YLPM1: variants seen among roughly 807,000 people sequenced by gnomAD.
YLPM1 encodes the protein YLP motif containing 1.
Under a neutral mutation model 230.0 loss-of-function variants are expected in YLPM1, and 99 were observed. That is an observed-to-expected ratio of 0.43 (90% CI 0.37 to 0.51). The LOEUF (loss-of-function observed/expected upper bound fraction) is 0.51. Among genes scored for constraint, YLPM1 ranks in the 20% least tolerant of loss-of-function variants. YLPM1 has a pLI of 0.00. For missense variants in YLPM1, 2,592 were observed against 2,707.7 expected (o/e 0.96, Z 0.95); for synonymous variants, 984 against 942.5 (o/e 1.04, Z -0.81).
intron 6 of YLPM1, among the ~76,000 whole-genome samples, chr14:74,806,732 A>G (rs1315467481): frequency 4.0e-5 from 6 of 151,792 alleles, no homozygotes; most frequent in East Asian, 3.9e-4. Context: ...ATATTTTCCC[A>G]TATTTGTTAA....
intron 18 of YLPM1, among the ~76,000 whole-genome samples, chr14:74,826,301 C>CTAAAT (rs1448999815): frequency 2.0e-5 from 3 of 152,130 alleles, no homozygotes; most frequent in East Asian, 3.9e-4. Context: ...AGATTCTTCT[C>CTAAAT]TAAAACATGA....
At position 74,780,523 on chromosome 14, in the gene YLPM1, C is replaced by T; in HGVS notation, c.1229C>T (p.Thr410Ile). 2 of 1,613,982 alleles carry T rather than the reference C, an allele frequency of 1.2e-6. No individual in the cohort carries two copies. Among genetic ancestry groups the T allele is most frequent in the East Asian group, 4.5e-5 (2 of 44,890 alleles). Reference sequence around the variant, plus strand: ...TATCAGGGAATAATGCAGAAGCACACTCAGTTACAGCAGATTCTACAACAG... The same window carrying T: ...TATCAGGGAATAATGCAGAAGCACATTCAGTTACAGCAGATTCTACAACAG... ...FQYQGIMQKH[T>I]QLQQILQQYQ... Residue 410 changes from threonine (T) to isoleucine (I), a missense_variant, in exon 3 of 21, where the codon ACT (threonine) becomes ATT (isoleucine). Thr to Ile is a moderately conservative substitution (Grantham distance 89). This residue lies in a region of YLPM1 where 1,862 missense variants were observed against 1,819.8 expected (regional missense o/e 1.02). Transcript: ENST00000325680.
intron 17 of YLPM1, among the ~76,000 whole-genome samples, chr14:74,822,550 A>G (rs964761346): frequency 6.6e-6 from 1 of 152,184 alleles, no homozygotes; most frequent in Admixed American, 6.5e-5. Flanking sequence ...ATGGGAGAGT[A>G]ATATAGTTTA....
chr14:74,764,017 C>T lies in YLPM1; in HGVS notation c.528C>T (p.Pro176=), dbSNP rs759288330. The T allele has an allele frequency of 3.7e-5, 59 of 1,608,968 alleles. No homozygotes were observed. The highest frequency in any genetic ancestry group is 4.8e-5 in the Non-Finnish European group (57 of 1,178,052). ...CTCAGCCGCCACCCTCTTACTACCC[C>T]CCGACCTCATCTCAGCCCTACCTGC... ...PPPQPPPSYY[P]PTSSQPYLPP... is the part of the protein sequence containing the mutation. The change falls in exon 1 of 21, where the codon CCC becomes CCT. Residue 176 remains proline, a synonymous_variant. Coordinates refer to ENST00000325680, the MANE Select transcript of YLPM1 (RefSeq NM_019589.3).
At chr14:74,792,158 C>T (rs546735061) in intron 4 of YLPM1, among the ~76,000 whole-genome samples, 2 of 152,192 alleles carry the variant, frequency 1.3e-5, no homozygotes, top group South Asian at 2.1e-4. Context: ...ATATACTCTC[C>T]ATCCTTAGCA....
intron 4 of YLPM1, 85 bp from the exon 5 acceptor site, chr14:74,797,495 G>T: frequency 8.6e-7 from 1 of 1,160,632 alleles, no homozygotes; most frequent in Non-Finnish European, 1.2e-6. Flanking sequence ...AAATTCTAAG[G>T]CAAGAGTGCC....
intron 1 of YLPM1, among the ~76,000 whole-genome samples, chr14:74,769,758 G>A (rs1034763299): frequency 2.6e-5 from 4 of 151,182 alleles, no homozygotes; most frequent in African/African-American, 7.3e-5. Flanking sequence ...TAAAGAATAA[G>A]TAGGAGGACT....
intron 6 of YLPM1, among the ~76,000 whole-genome samples, chr14:74,806,078 C>G (rs181321573): frequency 6.7e-6 from 1 of 149,526 alleles, no homozygotes; most frequent in South Asian, 2.2e-4. Context: ...GTATAATGGC[C>G]GGGTGTGGTG....
Position 74,799,398 on chromosome 14 carries a change from T to C in YLPM1, c.4101T>C (p.Asp1367=), listed in dbSNP as rs2091302360. The change falls in exon 5 of 21, where the codon GAT becomes GAC. Residue 1367 remains aspartate (D), a synonymous_variant. Coordinates refer to ENST00000325680, the MANE Select transcript of YLPM1 (RefSeq NM_019589.3). ...ATGGGTATGATCGAGATTTCCGTGA[T>C]AGGGGTGAGTTGAGGATTCGAGAGT... is the stretch of plus-strand genomic sequence containing the variant. ...REHGYDRDFR[D]RGELRIREYP... is the part of the protein sequence containing the mutation. 6.2e-7 allele frequency: 1 copy of C among 1,613,876 alleles called. No individual in the cohort carries two copies. Among genetic ancestry groups the C allele is most frequent in the Non-Finnish European group, 8.5e-7 (1 of 1,179,876 alleles).
In YLPM1 at chr14:74,802,659, A is replaced by C. The variant is rs1207730919; in HGVS notation, c.4504A>C (p.Arg1502=). The part of the protein sequence containing the change: ...QESRLQNTSS[R]PGMYPPPGSY... Reference sequence around the variant, plus strand: ...ATCAAGATTGCAGAATACATCTTCAAGACCTGGAATGTATCCGGTATGGGA... The same window carrying C: ...ATCAAGATTGCAGAATACATCTTCACGACCTGGAATGTATCCGGTATGGGA... Residue 1502 remains arginine (R), a synonymous_variant, in exon 6 of 21, where the codon AGA becomes CGA. Coordinates refer to ENST00000325680, the MANE Select transcript of YLPM1 (RefSeq NM_019589.3). 1 of 1,612,322 alleles carries C rather than the reference A, an allele frequency of 6.2e-7. No homozygotes were observed. The highest frequency in any genetic ancestry group is 1.1e-5 in the South Asian group (1 of 90,674).
At chr14:74,773,189 G>A (rs1044816610) in intron 1 of YLPM1, among the ~76,000 whole-genome samples, 46 of 152,226 alleles carry the variant, frequency 3.0e-4, no homozygotes, top group Non-Finnish European at 1.0e-4. Context: ...TCAGGAGGCT[G>A]AGGCAGGAGA....
rs779938670 is a variant in YLPM1 at position 74,799,680 on chromosome 14, A to G, written c.4383A>G (p.Gln1461=). 3.7e-6 allele frequency: 6 copies of G among 1,607,994 alleles called. No individual in the cohort carries two copies. Among genetic ancestry groups the G allele is most frequent in the Non-Finnish European group, 5.1e-6 (6 of 1,175,490 alleles). The change falls in exon 5 of 21, where the codon CAA becomes CAG. Residue 1461 remains glutamine (Q), a synonymous_variant. Transcript: ENST00000325680. ...RQHEIILKAA[Q]ELKMLREQKE... ...ATGAAATCATTTTGAAAGCTGCACA[A>G]GAACTGAAAATGCTTCGGTAAGTTG...
At chr14:74,806,342 T>C (rs1026225451) in intron 6 of YLPM1, among the ~76,000 whole-genome samples, 1 of 151,022 alleles carries the variant, frequency 6.6e-6, no homozygotes, top group Non-Finnish European at 1.5e-5. Context: ...GGGTGACAGA[T>C]CAAGACTCTG....
intron 18 of YLPM1, chr14:74,827,269 T>C (rs1297251588): frequency 1.1e-6 from 1 of 876,860 alleles, no homozygotes; most frequent in Non-Finnish European, 1.4e-6. Context: ...TCTCTGAAAA[T>C]CATTAGTGTG....
intron 10 of YLPM1, among the ~76,000 whole-genome samples, chr14:74,812,117 A>G (rs528184454): frequency 1.3e-5 from 2 of 152,324 alleles, no homozygotes; most frequent in African/African-American, 4.8e-5. Flanking sequence ...AACCTATTTT[A>G]TTAATGGCTC....
chr14:74,770,628 T>TAA lies in YLPM1; in HGVS notation c.873+6274_873+6275dup, dbSNP rs34642284. 1.6e-4 allele frequency among the ~76,000 whole-genome samples: 24 copies of TAA among 150,554 alleles called. 1 individual carries two copies. The highest frequency in any genetic ancestry group is 7.9e-4 in the Admixed American group (12 of 15,108). On this transcript the variant is annotated intron_variant, in intron 1 of 20. Transcript: ENST00000325680. ...CGACAGAGTGGGACTCCATCTCAGT[T>TAA]AAAAAAAAAGAAAAAGAGTAGAAAT... is the stretch of plus-strand genomic sequence containing the variant.
chr14:74,781,591 G>C lies in YLPM1; in HGVS notation c.1548G>C (p.Met516Ile), dbSNP rs769029134. ...MKNQYMGNMS[M>I]PPPFVPYSQM... ...ACCAGTATATGGGGAACATGTCAAT[G>C]CCACCTCCTTTTGTTCCATATTCTC... Residue 516 changes from methionine to isoleucine, a missense_variant, in exon 4 of 21, where the codon ATG (methionine) becomes ATC (isoleucine). Met to Ile is a conservative substitution (Grantham distance 10). Transcript: ENST00000325680. The C allele has an allele frequency of 1.9e-6, 3 of 1,613,940 alleles. No homozygotes were observed. Among genetic ancestry groups the C allele is most frequent in the Non-Finnish European group, 2.5e-6 (3 of 1,179,884 alleles).
intron 4 of YLPM1, among the ~76,000 whole-genome samples, chr14:74,794,982 G>C (rs532985896): frequency 1.3e-5 from 2 of 152,298 alleles, no homozygotes; most frequent in Admixed American, 6.5e-5. Flanking sequence ...TTTCATTCTT[G>C]AAAGATATGG....
chr14:74,806,640 A>G (rs1278828032), intron 6 of YLPM1, among the ~76,000 whole-genome samples: 1 of 152,174 alleles, frequency 6.6e-6, no homozygotes, highest in East Asian at 1.9e-4. Flanking sequence ...TCTATACTAT[A>G]GCCTCGTAAG....
Sources: allele counts gnomAD v4.1 joint callset (sites outside exome capture counted in the v4.1 genomes callset), GRCh38; gene constraint gnomAD v4.1.1; regional missense constraint gnomAD v4.1.1; transcripts MANE v1.5; gene names NCBI Gene and HGNC (gene_info 2026-07-23, HGNC 2026-07-21).